METTL15: variants seen among roughly 807,000 people sequenced by gnomAD.
METTL15 encodes methyltransferase 15, mitochondrial 12S rRNA N4-cytidine, also known as 12S rRNA N(4)-cytidine methyltransferase METTL15.
METTL15 carries 34 observed loss-of-function variants against 38.3 expected under a neutral mutation model. The ratio of observed to expected loss-of-function variants is 0.89; its 90% confidence interval spans 0.68 to 1.18. METTL15 has a LOEUF of 1.18. Ranked by LOEUF, METTL15 falls within the 50% of genes most tolerant of loss-of-function variation. METTL15 has a pLI of 0.00. For missense variants in METTL15, 438 were observed against 498.4 expected (o/e 0.88, Z 1.15); for synonymous variants, 162 against 170.9 (o/e 0.95, Z 0.41).
chr11:28,479,668 T>C (rs1264698963), intron 6 of METTL15, among the ~76,000 whole-genome samples: 6 of 152,180 alleles, frequency 3.9e-5, no homozygotes, highest in Non-Finnish European at 8.8e-5. Context: ...TTGAGTATTC[T>C]CTTTCTTATT....
At chr11:28,238,408 G>T (rs1565193079) in intron 4 of METTL15, among the ~76,000 whole-genome samples, 1 of 152,226 alleles carries the variant, frequency 6.6e-6, no homozygotes, top group Non-Finnish European at 1.5e-5. Context: ...GACCCTCTGA[G>T]CCAGGTGTGG....
At chr11:28,293,754 C>T (rs371467858) in intron 5 of METTL15, among the ~76,000 whole-genome samples, 1 of 152,126 alleles carries the variant, frequency 6.6e-6, no homozygotes, top group South Asian at 2.1e-4. Context: ...TGTAGTTCTC[C>T]TTGAAGAGGT....
intron 6 of METTL15, among the ~76,000 whole-genome samples, chr11:28,307,095 T>C (rs928537092): frequency 6.6e-6 from 1 of 151,954 alleles, no homozygotes; most frequent in Admixed American, 6.6e-5. Flanking sequence ...TGACTGTATA[T>C]TGCCTCAAAT....
intron 6 of METTL15, among the ~76,000 whole-genome samples, chr11:28,326,753 AT>A (rs373859164): frequency 6.6e-6 from 1 of 151,266 alleles, no homozygotes; most frequent in Non-Finnish European, 1.5e-5. Flanking sequence ...AAATTGTAGG[AT>A]TTTTTTGTTT....
intron 6 of METTL15, among the ~76,000 whole-genome samples, chr11:28,470,861 C>A: frequency 6.6e-6 from 1 of 152,100 alleles, no homozygotes; most frequent in East Asian, 1.9e-4. Flanking sequence ...TGTGATGTAA[C>A]ATCTGGAGTC....
At chr11:28,366,052 A>G (rs897111858) in intron 5 of METTL15, among the ~76,000 whole-genome samples, 2 of 152,172 alleles carry the variant, frequency 1.3e-5, no homozygotes, top group Non-Finnish European at 2.9e-5. Context: ...TCTGTCTCAA[A>G]AAACAAACAA....
chr11:28,377,258 C>G (rs1441214292), intron 5 of METTL15, among the ~76,000 whole-genome samples: 1 of 150,468 alleles, frequency 6.6e-6, no homozygotes, highest in African/African-American at 2.4e-5. Flanking sequence ...AGAGTGTTTT[C>G]CAACTTGGTT....
chr11:28,468,159 A>G (rs139005677), intron 6 of METTL15, among the ~76,000 whole-genome samples: 15 of 152,192 alleles, frequency 9.9e-5, no homozygotes, highest in African/African-American at 2.4e-4. Context: ...CCCGGACTCT[A>G]ATTGGCTCTA....
chr11:28,328,085 A>C lies in METTL15; in HGVS notation c.779-2311A>C, dbSNP rs180924761. On this transcript the variant is annotated intron_variant, in intron 6 of 6. Transcript: ENST00000407364. ...TTTACATGAAAATATATGTTTGTTC[A>C]TATTCTTAGAATACTCTGAAACATA... 3.7e-6 allele frequency: 6 copies of C among 1,605,096 alleles called. No homozygotes were observed. The East Asian group carries it at 9.0e-5, about 24-fold the overall frequency.
intron 5 of METTL15, among the ~76,000 whole-genome samples, chr11:28,372,065 T>G (rs1259974338): frequency 6.6e-6 from 1 of 152,114 alleles, no homozygotes; most frequent in Admixed American, 6.6e-5. Flanking sequence ...TATCATATTC[T>G]GGATCTCAGT....
At chr11:28,425,627 G>A (rs566168329) in intron 6 of METTL15, among the ~76,000 whole-genome samples, 46 of 152,154 alleles carry the variant, frequency 3.0e-4, no homozygotes, top group African/African-American at 8.2e-4. Context: ...TTTGGTTCCC[G>A]TACTAAGTGC....
At chr11:28,225,344 A>G (rs1230704856) in intron 4 of METTL15, among the ~76,000 whole-genome samples, 1 of 151,916 alleles carries the variant, frequency 6.6e-6, no homozygotes, top group Non-Finnish European at 1.5e-5. Context: ...TCAATTGATT[A>G]CGTCTTTAAG....
At chr11:28,365,967 A>C (rs988983808) in intron 5 of METTL15, among the ~76,000 whole-genome samples, 17 of 152,182 alleles carry the variant, frequency 1.1e-4, no homozygotes, top group South Asian at 4.1e-4. Context: ...GGAGAACAGC[A>C]TGAACCTGGG....
In METTL15 at chr11:28,285,115, G is replaced by A. The variant is rs142445837; in HGVS notation, c.408-5091G>A. ...CTCCCGCCCTGTGAAGAAGGTGCCTGCTTCCCCTTTGCCTTCCACCATGAT... is the reference window on the plus strand; with the variant it reads ...CTCCCGCCCTGTGAAGAAGGTGCCTACTTCCCCTTTGCCTTCCACCATGAT... On this transcript the variant is annotated intron_variant, in intron 4 of 6. Transcript: ENST00000407364. Among the ~76,000 whole-genome samples the A allele has an allele frequency of 3.3e-3, 508 of 152,216 alleles. 6 individuals are homozygous for A. The highest frequency in any genetic ancestry group is 0.012 in the African/African-American group (490 of 41,524).
chr11:28,424,283 C>T (rs1283651644), intron 5 of METTL15: 1 of 152,074 alleles, frequency 6.6e-6, no homozygotes, highest in Non-Finnish European at 1.5e-5. Context: ...TGAACATTTG[C>T]CCTTTCTGTT....
chr11:28,251,499 G>A (rs911876452), intron 4 of METTL15, among the ~76,000 whole-genome samples: 3 of 151,832 alleles, frequency 2.0e-5, no homozygotes, highest in Non-Finnish European at 4.4e-5. Flanking sequence ...GTTACTGCAG[G>A]GCTCTGAGAT....
chr11:28,230,966 G>C (rs1010410032), intron 4 of METTL15, among the ~76,000 whole-genome samples: 1 of 151,840 alleles, frequency 6.6e-6, no homozygotes, highest in African/African-American at 2.4e-5. Flanking sequence ...AGATAGACAA[G>C]TAAACCTCTA....
rs1856328229 is a variant in METTL15, at chr11:28,287,522, G to A, written c.408-2684G>A. On this transcript the variant is annotated intron_variant, in intron 4 of 6. Transcript: ENST00000407364. ...TGCTGCATCATCACATTGAGAAACC[G>A]GACAATAACTTCGGAGCTCGGCCTA... 15 of 340,678 alleles carry A rather than the reference G, an allele frequency of 4.4e-5. 1 individual carries two copies. Among genetic ancestry groups the A allele is most frequent in the South Asian group, 2.9e-4 (11 of 37,890 alleles). The allele number at this position is 340,678 out of a possible 1,614,324, so 21.1% of individuals were successfully genotyped here. A position where few individuals can be genotyped will look rare whatever the true frequency, so the allele number is the denominator to read the frequency against.
intron 6 of METTL15, among the ~76,000 whole-genome samples, chr11:28,526,275 G>A (rs1851811140): frequency 6.6e-6 from 1 of 152,256 alleles, no homozygotes. Context: ...CATGGCCAGA[G>A]CTGACGCCGA....
Sources: allele counts gnomAD v4.1 joint callset (sites outside exome capture counted in the v4.1 genomes callset), GRCh38; gene constraint gnomAD v4.1.1; transcripts MANE v1.5; gene names NCBI Gene and HGNC (gene_info 2026-07-23, HGNC 2026-07-21).